Variants in ADAMTS10 observed in about 807,000 individuals in gnomAD.
ADAMTS10 encodes the protein ADAM metallopeptidase with thrombospondin type 1 motif 10, also known as A disintegrin and metalloproteinase with thrombospondin motifs 10.
Under a neutral mutation model 135.9 loss-of-function variants are expected in ADAMTS10, and 48 were observed. The observed-to-expected ratio is 0.35, with a 90% CI of 0.28 to 0.45. The LOEUF (loss-of-function observed/expected upper bound fraction) is 0.45. Ranked by LOEUF, ADAMTS10 falls within the 20% of genes least tolerant of loss-of-function variation. The pLI is 1.00. For synonymous variants in ADAMTS10, 621 were observed against 647.5 expected (o/e 0.96, Z 0.62); for missense variants, 1,131 against 1,565.2 (o/e 0.72, Z 4.68).
intron 15 of ADAMTS10, 64 bp downstream of exon 15, chr19:8,591,736 G>A (rs2042531520): frequency 1.3e-6 from 2 of 1,593,230 alleles, no homozygotes; most frequent in East Asian, 2.2e-5. Context: ...CACGGTGCCC[G>A]GCCTCTGATA....
At chr19:8,581,455 C>G (rs1300040296) in intron 25 of ADAMTS10, 3 of 153,410 alleles carry the variant, frequency 2.0e-5, no homozygotes, top group African/African-American at 7.2e-5. Flanking sequence ...TTTGGGAGAC[C>G]AAGGCAGGAG....
chr19:8,609,645 G>A (rs938559965), intron 1 of ADAMTS10, among the ~76,000 whole-genome samples: 2 of 152,048 alleles, frequency 1.3e-5, no homozygotes, highest in Non-Finnish European at 2.9e-5. Flanking sequence ...CCGGCGCCCG[G>A]GCTGGTCCCC....
In ADAMTS10 at chr19:8,596,285, C is replaced by T. The variant is rs781946704; in HGVS notation, c.1190+22G>A. 5.6e-6 allele frequency: 9 copies of T among 1,612,798 alleles called. No individual in the cohort carries two copies. The South Asian group carries it at 6.6e-5, about 12-fold the overall frequency. ...CCGCCCAGCTCCTCCCCTCCTCCCC[C>T]TCTTGTGTGCCCTGGCCTCACGTGT... is the stretch of plus-strand genomic sequence containing the variant. On this transcript the variant is annotated intron_variant, in intron 10 of 25. Coordinates refer to ENST00000597188, the MANE Select transcript of ADAMTS10 (RefSeq NM_030957.4). The surrounding 1 kb of genome is among the most constrained non-coding windows in gnomAD (Gnocchi z 7.2).
chr19:8,604,932 C>T, intron 4 of ADAMTS10, 80 bp downstream of exon 4: 1 of 1,424,336 alleles, frequency 7.0e-7, no homozygotes, highest in Non-Finnish European at 9.7e-7. Context: ...CATTCCTTCT[C>T]TGCCCTCTAT....
Position 8,585,586 on chromosome 19 carries a change from T to C in ADAMTS10, c.2735A>G (p.Gln912Arg). ...AGVRSRSVVC[Q>R]RRVSAAEEKA... ...CTCCTCCGCGGCAGAGACGCGGCGC[T>C]GGCACACGACCGAGCGGCTGCGCAC... The change falls in exon 23 of 26, where the codon CAG becomes CGG. Residue 912 changes from glutamine (Q) to arginine (R), a missense_variant. This residue lies in a region of ADAMTS10 where 745 missense variants were observed against 1,056.3 expected (regional missense o/e 0.71). Transcript: ENST00000597188. 1.2e-6 allele frequency: 2 copies of C among 1,609,204 alleles called. No homozygotes were observed. The highest frequency in any genetic ancestry group is 8.5e-7 in the Non-Finnish European group (1 of 1,178,328).
intron 12 of ADAMTS10, among the ~76,000 whole-genome samples, chr19:8,594,580 TAG>T (rs782702511): frequency 7.2e-5 from 11 of 152,154 alleles, no homozygotes; most frequent in Non-Finnish European, 2.9e-5. Context: ...TTGTAAAATT[TAG>T]AGAGTCATGA....
chr19:8,591,774 C>T (rs1294890275), intron 15 of ADAMTS10, 26 bp downstream of exon 15: 4 of 1,613,030 alleles, frequency 2.5e-6, no homozygotes, highest in African/African-American at 2.7e-5. Context: ...CTCCCCCCAC[C>T]CCTCAAGGGG....
rs5827006 is a variant in ADAMTS10, at chr19:8,597,463, TTGC to T, written c.811-149_811-147del. 231,820 of 732,660 alleles carry T rather than the reference TTGC, an allele frequency of 0.32. 42,924 individuals are homozygous for T. Among genetic ancestry groups the T allele is most frequent in the Admixed American group, 0.38 (18,170 of 47,820 alleles). The allele number at this position is 732,660 out of a possible 1,614,324, so 45.4% of individuals were successfully genotyped here. Reference sequence around the variant, plus strand: ...CTAAACCTGCTATTAGGGTTTTTTGTTGCTGTTGTTGTTAAAGATGGGGGTCTT... The same window carrying T: ...CTAAACCTGCTATTAGGGTTTTTTGTTGTTGTTGTTAAAGATGGGGGTCTT... On this transcript the variant is annotated intron_variant, in intron 6 of 25. Coordinates refer to ENST00000597188, the MANE Select transcript of ADAMTS10 (RefSeq NM_030957.4).
At position 8,601,076 on chromosome 19, in the gene ADAMTS10, C is replaced by T. The variant is rs2042664880; in HGVS notation, c.662G>A (p.Gly221Glu). The stretch of plus-strand genomic sequence containing the variant: ...TGGCTGGCCACGCTCTGTTTCATTC[C>T]CCAGGGGCCTGGCAGGCGGTGGCTT... ...TLKPPPARPL[G>E]NETERGQPGL... is the part of the protein sequence containing the mutation. The change falls in exon 6 of 26, where the codon GGG (glycine) becomes GAG (glutamate). Residue 221 changes from glycine (G) to glutamate (E), a missense_variant. By Grantham distance (98) the Gly-to-Glu change is moderately conservative (BLOSUM62 -2). Around this residue, in one of 3 missense-constraint regions of ADAMTS10, gnomAD observed 306 missense variants for 344.4 expected, o/e 0.89. Coordinates refer to ENST00000597188, the MANE Select transcript of ADAMTS10 (RefSeq NM_030957.4). This position sits in a 1 kb window ranked among gnomAD's most constrained non-coding sequence, Gnocchi z 4.6. The T allele has an allele frequency of 1.9e-6, 3 of 1,613,988 alleles. No homozygotes were observed. The African/African-American group carries it at 4.0e-5, about 22-fold the overall frequency.
rs782396164 is a variant in ADAMTS10, at chr19:8,603,803, C to T, written c.517G>A (p.Glu173Lys). 5 of 1,614,050 alleles carry T rather than the reference C, an allele frequency of 3.1e-6. No individual in the cohort carries two copies. In the Admixed American group the frequency reaches 6.7e-5, roughly 22 times the overall value. ...GGPKGSRSPE[E>K]SGPHVVYKRS... ...TTGTACACCACATGTGGTCCACTTT[C>T]CTCCGGGCTCCGAGAACCCTTGGGC... is the stretch of plus-strand genomic sequence containing the variant. Residue 173 changes from glutamate to lysine, a missense_variant, in exon 5 of 26, where the codon GAA (glutamate) becomes AAA (lysine). Physicochemically the swap from Glu to Lys is moderately conservative, Grantham distance 56. Coordinates refer to ENST00000597188, the MANE Select transcript of ADAMTS10 (RefSeq NM_030957.4).
intron 12 of ADAMTS10, chr19:8,593,344 G>A (rs78513815): frequency 0.063 from 10,631 of 168,718 alleles, 434 homozygotes; most frequent in Middle Eastern, 0.13. Flanking sequence ...CAAAGTAGCC[G>A]AAGAGAAAGT....
In ADAMTS10 at chr19:8,597,241, T is replaced by C. The variant is rs782034213; in HGVS notation, c.887A>G (p.Glu296Gly). ...GGAGGAAGTCCCCCGCACCTGGTCC[T>C]CCGTGAGCAGGATGAGGCGAGTTAC... ...ILVTRLILLT[E>G]DQPTLEITHH... is the part of the protein sequence containing the mutation. Residue 296 changes from glutamate to glycine, a missense_variant, in exon 7 of 26, where the codon GAG becomes GGG. Glu to Gly is a moderately conservative substitution (Grantham distance 98). Around this residue, in one of 3 missense-constraint regions of ADAMTS10, gnomAD observed 80 missense variants for 164.4 expected, o/e 0.49. Coordinates refer to ENST00000597188, the MANE Select transcript of ADAMTS10 (RefSeq NM_030957.4). The C allele has an allele frequency of 3.7e-6, 6 of 1,613,962 alleles. No individual in the cohort carries two copies. In the African/African-American group the frequency reaches 8.0e-5, roughly 22 times the overall value.
chr19:8,592,982 A>G (rs1383436126), intron 12 of ADAMTS10, 112 bp from the exon 13 acceptor site: 68 of 998,636 alleles, frequency 6.8e-5, no homozygotes, highest in Non-Finnish European at 1.0e-4. Flanking sequence ...CAGAGCAGAG[A>G]GCCCGGTGCT....
At chr19:8,587,837 A>C (rs1555737690) in intron 18 of ADAMTS10, among the ~76,000 whole-genome samples, 1 of 149,802 alleles carries the variant, frequency 6.7e-6, no homozygotes. Context: ...AGGCTGAGGC[A>C]GGAGAATGGC....
Position 8,605,802 on chromosome 19 carries a change from C to T in ADAMTS10, c.-92G>A, listed in dbSNP as rs1453447593. 7.2e-6 allele frequency: 11 copies of T among 1,521,304 alleles called. No homozygotes were observed. The highest frequency in any genetic ancestry group is 1.4e-5 in the African/African-American group (1 of 72,664). 94.2% of individuals were successfully genotyped at this position (1,521,304 alleles called of 1,614,324 possible). ...CCTGTTCACAGCCTTCGCAGCATCACCGGGCTCCTGGGAGGGGGGAGCCAG... is the reference window on the plus strand; with the variant it reads ...CCTGTTCACAGCCTTCGCAGCATCATCGGGCTCCTGGGAGGGGGGAGCCAG... On this transcript the variant is annotated 5_prime_UTR_variant, in exon 3 of 26. It adds an upstream start codon to the 5' untranslated region. Coordinates refer to ENST00000597188, the MANE Select transcript of ADAMTS10 (RefSeq NM_030957.4). The surrounding 1 kb of genome is among the most constrained non-coding windows in gnomAD (Gnocchi z 7.7).
intron 4 of ADAMTS10, among the ~76,000 whole-genome samples, chr19:8,604,543 G>A (rs893877567): frequency 4.0e-5 from 6 of 151,116 alleles, no homozygotes; most frequent in Non-Finnish European, 7.4e-5. Flanking sequence ...GGGCAGTGTT[G>A]TGATCTCAGA....
At chr19:8,587,799 C>T (rs145245395) in intron 18 of ADAMTS10, among the ~76,000 whole-genome samples, 5,329 of 151,640 alleles carry the variant, frequency 0.035, 228 homozygotes, top group African/African-American at 0.1. Flanking sequence ...GGCGTGGTGG[C>T]GGGCTCCTGT....
Position 8,596,126 on chromosome 19 carries a change from G to A in ADAMTS10, c.1284C>T (p.Thr428=). ...TGCAGGATGACCACACGAATGGGTT[G>A]GTCTTCATGGTAATGTGGGCAGCCA... ...KLMAAHITMK[T]NPFVWSSCSR... The change falls in exon 11 of 26, where the codon ACC becomes ACT. Residue 428 remains threonine (T), a synonymous_variant. Transcript: ENST00000597188. The surrounding 1 kb of genome is among the most constrained non-coding windows in gnomAD (Gnocchi z 7.2). 1 of 1,614,180 alleles carries A rather than the reference G, an allele frequency of 6.2e-7. No homozygotes were observed. The highest frequency in any genetic ancestry group is 8.5e-7 in the Non-Finnish European group (1 of 1,180,036).
chr19:8,593,109 A>C (rs2042563492), intron 12 of ADAMTS10: 2 of 582,704 alleles, frequency 3.4e-6, no homozygotes, highest in Non-Finnish European at 6.2e-6. Context: ...ATACCTCTTT[A>C]GGCAGTACTA....
Sources: allele counts gnomAD v4.1 joint callset (sites outside exome capture counted in the v4.1 genomes callset), GRCh38; gene constraint gnomAD v4.1.1; regional missense constraint gnomAD v4.1.1; non-coding constraint Gnocchi (gnomAD v3.1); transcripts MANE v1.5; gene names NCBI Gene and HGNC (gene_info 2026-07-23, HGNC 2026-07-21).